Variants in EIF2AK4 observed in about 807,000 individuals in gnomAD.
EIF2AK4 encodes the protein eukaryotic translation initiation factor 2 alpha kinase 4, also known as eIF-2-alpha kinase GCN2.
Under a neutral mutation model 211.1 loss-of-function variants are expected in EIF2AK4, and 139 were observed. The observed-to-expected ratio is 0.66, with a 90% CI of 0.57 to 0.76. The LOEUF is 0.76. EIF2AK4 is among the 30% of genes least tolerant of loss of function. The pLI is 0.00. For missense variants in EIF2AK4, 1,664 were observed against 2,043.8 expected (o/e 0.81, Z 3.58); for synonymous variants, 710 against 751.3 (o/e 0.94, Z 0.90).
chr15:40,011,062 T>G (rs1202959522), intron 26 of EIF2AK4, among the ~76,000 whole-genome samples: 1 of 152,200 alleles, frequency 6.6e-6, no homozygotes, highest in Non-Finnish European at 1.5e-5. Context: ...CCCCTTTTAA[T>G]TCTTTTGTCA....
chr15:40,023,056 G>T (rs1367900147), intron 32 of EIF2AK4, among the ~76,000 whole-genome samples: 1 of 152,102 alleles, frequency 6.6e-6, no homozygotes, highest in Non-Finnish European at 1.5e-5. Flanking sequence ...AAGAAAATGT[G>T]TATAAAATAA....
At chr15:39,943,202 C>G (rs1223886771) in intron 2 of EIF2AK4, among the ~76,000 whole-genome samples, 181 bp from the exon 3 acceptor site, 1 of 152,212 alleles carries the variant, frequency 6.6e-6, no homozygotes, top group Non-Finnish European at 1.5e-5. Flanking sequence ...GGCCAGCCCA[C>G]TTCTTCCCTG....
At chr15:40,006,869 G>A (rs2035169051) in intron 23 of EIF2AK4, 147 bp from the exon 24 acceptor site, 1 of 604,226 alleles carries the variant, frequency 1.7e-6, no homozygotes, top group Non-Finnish European at 2.9e-6. Context: ...GGTGAGCAGT[G>A]CATAACTTAG....
intron 27 of EIF2AK4, among the ~76,000 whole-genome samples, chr15:40,015,914 T>G (rs2035297487): frequency 6.6e-6 from 1 of 152,224 alleles, no homozygotes; most frequent in Non-Finnish European, 1.5e-5. Flanking sequence ...CAATCATCTC[T>G]AGCCACTGAC....
At chr15:39,999,584 CTT>C (rs1249643792) in intron 20 of EIF2AK4, among the ~76,000 whole-genome samples, 1 of 152,142 alleles carries the variant, frequency 6.6e-6, no homozygotes, top group Non-Finnish European at 1.5e-5. Flanking sequence ...CTTTTCTAGA[CTT>C]TAATTTCCCT....
chr15:39,968,891 T>TATAC (rs139536340), intron 9 of EIF2AK4, among the ~76,000 whole-genome samples: 53,237 of 148,790 alleles, frequency 0.36, 10,713 homozygotes, highest in Non-Finnish European at 0.48. Flanking sequence ...TATATATATA[T>TATAC]ACACACACAT....
intron 32 of EIF2AK4, 71 bp from the exon 33 acceptor site, chr15:40,025,906 C>T: frequency 1.5e-5 from 21 of 1,416,256 alleles, no homozygotes; most frequent in East Asian, 4.7e-5. Flanking sequence ...AGTAGTCTTA[C>T]TGTGGTGCTC....
intron 13 of EIF2AK4, 94 bp from the exon 14 acceptor site, chr15:39,985,711 T>C: frequency 8.8e-7 from 1 of 1,140,304 alleles, no homozygotes; most frequent in Non-Finnish European, 1.3e-6. Context: ...TGGGTGGCCC[T>C]GTGTTGGGGG....
At chr15:40,030,955 A>G (rs1289751884) in intron 35 of EIF2AK4, among the ~76,000 whole-genome samples, 1 of 152,170 alleles carries the variant, frequency 6.6e-6, no homozygotes, top group Non-Finnish European at 1.5e-5. Flanking sequence ...GCAAATAAAT[A>G]TAGGCCAGGT....
At chr15:40,024,973 C>G (rs1311553457) in intron 32 of EIF2AK4, among the ~76,000 whole-genome samples, 2 of 152,114 alleles carry the variant, frequency 1.3e-5, no homozygotes, top group Non-Finnish European at 2.9e-5. Flanking sequence ...GAGAGTCCTA[C>G]AGATAAAGTT....
At chr15:40,016,430 GCA>G in intron 27 of EIF2AK4, 70 bp from the exon 28 acceptor site, 1 of 1,574,214 alleles carries the variant, frequency 6.4e-7, no homozygotes, top group Non-Finnish European at 8.7e-7. Flanking sequence ...TCCTGCAGGT[GCA>G]CACAGTCGGT....
At chr15:40,004,350 CTGTCTGTT>C (rs2035131848) in intron 23 of EIF2AK4, among the ~76,000 whole-genome samples, 1 of 151,982 alleles carries the variant, frequency 6.6e-6, no homozygotes, top group African/African-American at 2.4e-5. Context: ...CAAAAACTGT[CTGTCTGTT>C]TATCAGTAGG....
chr15:40,000,278 TA>T (rs1297452110), intron 20 of EIF2AK4, among the ~76,000 whole-genome samples: 1 of 152,168 alleles, frequency 6.6e-6, no homozygotes, highest in African/African-American at 2.4e-5. Flanking sequence ...AGGAGAGTGG[TA>T]GGGGGGCATA....
In EIF2AK4 at chr15:39,993,813, C is replaced by A. The variant is rs191533179; in HGVS notation, c.2766+965C>A. Reference sequence around the variant, plus strand: ...CTCTGGCTGCTGCGAGGAGGCTCTGCAGGAAGTCCTGGTAAGGCGGTTGGC... The same window carrying A: ...CTCTGGCTGCTGCGAGGAGGCTCTGAAGGAAGTCCTGGTAAGGCGGTTGGC... On this transcript the variant is annotated intron_variant, in intron 18 of 38. Coordinates refer to ENST00000263791, the MANE Select transcript of EIF2AK4 (RefSeq NM_001013703.4). Among the ~76,000 whole-genome samples, 9 of 152,336 alleles carry A rather than the reference C, an allele frequency of 5.9e-5. No individual in the cohort carries two copies. The East Asian group carries it at 1.5e-3, about 26-fold the overall frequency.
chr15:39,988,936 G>A (rs924844733), intron 15 of EIF2AK4, among the ~76,000 whole-genome samples: 1 of 152,226 alleles, frequency 6.6e-6, no homozygotes, highest in Admixed American at 6.5e-5. Context: ...GGGAGGTGGA[G>A]GTTGCAGTGA....
intron 8 of EIF2AK4, among the ~76,000 whole-genome samples, chr15:39,966,696 A>G (rs536153149): frequency 6.6e-6 from 1 of 152,346 alleles, no homozygotes; most frequent in East Asian, 1.9e-4. Context: ...ATGTGTGTGT[A>G]TTTAAGTATA....
intron 9 of EIF2AK4, among the ~76,000 whole-genome samples, chr15:39,968,555 G>T (rs1334831101): frequency 2.0e-5 from 3 of 152,148 alleles, no homozygotes; most frequent in Non-Finnish European, 2.9e-5. Flanking sequence ...CTGTTAAATG[G>T]GAGATAAGAT....
intron 11 of EIF2AK4, 172 bp downstream of exon 11, chr15:39,973,921 C>G: frequency 1.6e-6 from 1 of 636,036 alleles, no homozygotes; most frequent in Non-Finnish European, 2.6e-6. Flanking sequence ...TTAAGTTACG[C>G]TGGACACAGT....
At chr15:40,016,388 A>G (rs1321439058) in intron 27 of EIF2AK4, 114 bp from the exon 28 acceptor site, 2 of 1,294,612 alleles carry the variant, frequency 1.5e-6, no homozygotes, top group South Asian at 2.6e-5. Context: ...CTTTGACCAC[A>G]AAGATAATCG....
Sources: gnomAD v4.1 joint callset for allele counts (sites outside exome capture counted in the v4.1 genomes callset) on GRCh38, gnomAD v4.1.1 for gene constraint, MANE v1.5 for transcripts, NCBI Gene and HGNC (gene_info 2026-07-23, HGNC 2026-07-21) for gene names.